MAP1A: variants seen among roughly 807,000 people sequenced by gnomAD.
MAP1A encodes microtubule associated protein 1A, also known as microtubule-associated protein 1A.
In MAP1A, 42 loss-of-function variants were observed where a neutral mutation model predicts 185.9. The observed-to-expected ratio is 0.23, with a 90% CI of 0.18 to 0.29. The LOEUF (loss-of-function observed/expected upper bound fraction) is 0.29. Among genes scored for constraint, MAP1A ranks in the 10% least tolerant of loss-of-function variants. The pLI, the probability that MAP1A is intolerant of heterozygous loss-of-function variation, is 1.00. For synonymous variants in MAP1A, 1,229 were observed against 1,335.9 expected, an observed-to-expected ratio of 0.92 and a Z score of 1.74; for missense variants, 2,995 against 3,450.4, an observed-to-expected ratio of 0.87 and a Z score of 3.31.
rs368999472 is a variant in MAP1A at position 43,521,626 on chromosome 15, C to T, written c.153C>T (p.Ala51=). The T allele has an allele frequency of 1.2e-5, 19 of 1,613,976 alleles. No homozygotes were observed. The highest frequency in any genetic ancestry group is 4.0e-5 in the African/African-American group (3 of 74,914). Residue 51 remains alanine (A), a synonymous_variant, in exon 4 of 6, where the codon GCC becomes GCT. Coordinates refer to ENST00000300231, the MANE Select transcript of MAP1A (RefSeq NM_002373.6). The surrounding 1 kb of genome is among the most constrained non-coding windows in gnomAD (Gnocchi z 4.6). ...TCCCAGGTGGTCGTGGGGACTCTGCCCTCTTTGCTGTCAATGGTTTCAACA... is the reference window on the plus strand; with the variant it reads ...TCCCAGGTGGTCGTGGGGACTCTGCTCTCTTTGCTGTCAATGGTTTCAACA... The part of the protein sequence containing the change: ...YIFPGGRGDS[A]LFAVNGFNIL...
exon 1 of MAP1A, chr15:43,511,093 G>T: frequency 1.3e-6 from 2 of 1,550,232 alleles, no homozygotes; most frequent in Non-Finnish European, 1.7e-6. Flanking sequence ...AGAACCCCGC[G>T]GAGCTGCTGT....
At chr15:43,520,916 C>T (rs2079316675) in intron 2 of MAP1A, 56 bp from the exon 3 acceptor site, 4 of 1,502,852 alleles carry the variant, frequency 2.7e-6, no homozygotes, top group Non-Finnish European at 2.7e-6. Flanking sequence ...AGGGGCCATT[C>T]ATTGCCTTTC....
Position 43,521,856 on chromosome 15 carries a change from T to C in MAP1A, c.383T>C (p.Ile128Thr). ...SSYSDWVKNLISPELGVVFFN... is the reference protein window; with the variant it reads ...SSYSDWVKNLTSPELGVVFFN... ...TACAGCGACTGGGTGAAGAACCTTA[T>C]CTCTCCTGAGCTTGGAGTTGTCTTT... Residue 128 changes from isoleucine (I) to threonine (T), a missense_variant, in exon 4 of 6, where the codon ATC (isoleucine) becomes ACC (threonine). Physicochemically the swap from Ile to Thr is moderately conservative, Grantham distance 89. Transcript: ENST00000300231. The surrounding 1 kb of genome is among the most constrained non-coding windows in gnomAD (Gnocchi z 4.6). 6.2e-7 allele frequency: 1 copy of C among 1,614,192 alleles called. No individual in the cohort carries two copies.
Position 43,517,695 on chromosome 15 carries a change from C to A in MAP1A, c.-380C>A. The A allele has an allele frequency of 1.0e-6, 1 of 983,330 alleles. No homozygotes were observed. Among genetic ancestry groups the A allele is most frequent in the Non-Finnish European group, 1.2e-6 (1 of 828,274 alleles). 60.9% of individuals were successfully genotyped at this position (983,330 alleles called of 1,614,324 possible). On this transcript the variant is annotated 5_prime_UTR_variant, in exon 1 of 6. Transcript: ENST00000300231. ...CTCCATGAGAGGCTTCCTCCTACAC[C>A]CCAGGGTAAGAACCGAACCAAAGGG...
In MAP1A at chr15:43,530,285, G is replaced by A; in HGVS notation, c.*61G>A. 1.3e-6 allele frequency: 2 copies of A among 1,594,664 alleles called. No homozygotes were observed. The highest frequency in any genetic ancestry group is 3.4e-5 in the Admixed American group (2 of 58,802). On this transcript the variant is annotated 3_prime_UTR_variant, in exon 6 of 6. Coordinates refer to ENST00000300231, the MANE Select transcript of MAP1A (RefSeq NM_002373.6). ...CCAGCTCCTTTAGAGAATGGCTACT[G>A]CTGAGTCCTTTGGGGTTGAGGGAGA...
rs560477880 is a variant in MAP1A, at chr15:43,520,688, C to T, written c.-327C>T. On this transcript the variant is annotated 5_prime_UTR_variant, in exon 2 of 6. Transcript: ENST00000300231. Reference sequence around the variant, plus strand: ...GAGTGAGATCCTAGAGACCATCATCCTGGTAAATCCCAGTGCAGACAGCAT... The same window carrying T: ...GAGTGAGATCCTAGAGACCATCATCTTGGTAAATCCCAGTGCAGACAGCAT... The T allele has an allele frequency of 6.4e-7, 1 of 1,550,616 alleles. No homozygotes were observed. Among genetic ancestry groups the T allele is most frequent in the East Asian group, 2.4e-5 (1 of 40,920 alleles).
chr15:43,526,462 A>G lies in MAP1A; in HGVS notation c.4989A>G (p.Glu1663=). 6.2e-7 allele frequency: 1 copy of G among 1,614,106 alleles called. No homozygotes were observed. Among genetic ancestry groups the G allele is most frequent in the South Asian group, 1.1e-5 (1 of 91,078 alleles). ...TSPTREEPAG[E]QKELAPAWED... is the part of the protein sequence containing the mutation. ...CTACCAGAGAGGAGCCGGCTGGAGA[A>G]CAGAAAGAGCTTGCCCCGGCATGGG... Residue 1663 remains glutamate (E), a synonymous_variant, in exon 4 of 6, where the codon GAA becomes GAG. Transcript: ENST00000300231. The surrounding 1 kb of genome is among the most constrained non-coding windows in gnomAD (Gnocchi z 4.7).
intron 1 of MAP1A, among the ~76,000 whole-genome samples, chr15:43,518,807 C>T (rs2079308935): frequency 6.6e-6 from 1 of 150,780 alleles, no homozygotes; most frequent in Non-Finnish European, 1.5e-5. Flanking sequence ...CAGTTCCCTT[C>T]AGTGAGAGAG....
Position 43,525,873 on chromosome 15 carries a change from A to C in MAP1A, c.4400A>C (p.Lys1467Thr), listed in dbSNP as rs202060676. The change falls in exon 4 of 6, where the codon AAG (lysine) becomes ACG (threonine). Residue 1467 changes from lysine (K) to threonine (T), a missense_variant. By Grantham distance (78) the Lys-to-Thr change is moderately conservative. This residue lies in a region of MAP1A where 2,728 missense variants were observed against 2,986.0 expected (regional missense o/e 0.91). Transcript: ENST00000300231. ...LEQKDTALEQ[K>T]DKALEPKDKD... is the part of the protein sequence containing the mutation. The stretch of plus-strand genomic sequence containing the variant: ...CAAAAGGATACAGCCCTGGAACAGA[A>C]GGACAAGGCCCTGGAACCAAAAGAT... 6 of 1,609,830 alleles carry C rather than the reference A, an allele frequency of 3.7e-6. 1 individual carries two copies. Among genetic ancestry groups the C allele is most frequent in the Non-Finnish European group, 4.2e-6 (5 of 1,177,508 alleles).
chr15:43,519,782 GTTTC>G (rs1376400037), intron 1 of MAP1A, among the ~76,000 whole-genome samples: 1 of 152,206 alleles, frequency 6.6e-6, no homozygotes, highest in Admixed American at 6.5e-5. Context: ...TTATTAATGT[GTTTC>G]TTGTTCAAGA....
Position 43,529,546 on chromosome 15 carries a change from A to G in MAP1A, c.8035+38A>G. On this transcript the variant is annotated intron_variant, in intron 4 of 5. Transcript: ENST00000300231. This position sits in a 1 kb window ranked among gnomAD's most constrained non-coding sequence, Gnocchi z 4.3. ...TGAAACTTGGCAGAGAGTGTGGGTT[A>G]GGGCTGGGTGTGGGCTGGTCAGACT... 2 of 1,602,322 alleles carry G rather than the reference A, an allele frequency of 1.2e-6. No homozygotes were observed. Among genetic ancestry groups the G allele is most frequent in the Non-Finnish European group, 8.5e-7 (1 of 1,172,270 alleles).
At chr15:43,518,614 G>A (rs900669244) in intron 1 of MAP1A, among the ~76,000 whole-genome samples, 7 of 151,878 alleles carry the variant, frequency 4.6e-5, no homozygotes, top group Middle Eastern at 3.2e-3. Flanking sequence ...CACACACTGC[G>A]GCAAACTGCA....
upstream of MAP1A, among the ~76,000 whole-genome samples, chr15:43,513,041 G>GA (rs1566975426): frequency 6.6e-6 from 1 of 152,094 alleles, no homozygotes; most frequent in Non-Finnish European, 1.5e-5. Flanking sequence ...TATTATAAAA[G>GA]AACTAAGGCC....
chr15:43,528,375 G>A lies in MAP1A; in HGVS notation c.6902G>A (p.Trp2301Ter), dbSNP rs2079355516. 1 of 1,613,920 alleles carries A rather than the reference G, an allele frequency of 6.2e-7. No individual in the cohort carries two copies. Among genetic ancestry groups the A allele is most frequent in the Admixed American group, 1.7e-5 (1 of 60,020 alleles). Residue 2301 changes from tryptophan (W) to a stop codon, truncating the protein, a stop_gained, in exon 4 of 6, where the codon TGG becomes TAG. Transcript: ENST00000300231. LOFTEE classifies it high-confidence loss of function. ...PGMEPAAHSL[W>*]DLTPLSPAPP... is the part of the protein sequence containing the mutation. Reference sequence around the variant, plus strand: ...ATGGAACCAGCTGCCCACAGCCTCTGGGACCTCACTCCTCTGAGCCCAGCA... The same window carrying A: ...ATGGAACCAGCTGCCCACAGCCTCTAGGACCTCACTCCTCTGAGCCCAGCA...
At chr15:43,511,111 C>G in exon 1 of MAP1A, 1 of 1,550,356 alleles carries the variant, frequency 6.5e-7, no homozygotes, top group Non-Finnish European at 8.7e-7. Flanking sequence ...TGTGCGAGGC[C>G]GGAGCCGCGG....
chr15:43,522,338 C>A lies in MAP1A; in HGVS notation c.865C>A (p.Leu289Met). The change falls in exon 4 of 6, where the codon CTG (leucine) becomes ATG (methionine). Residue 289 changes from leucine (L) to methionine (M), a missense_variant. This residue lies in a region of MAP1A where 264 missense variants were observed against 435.3 expected (regional missense o/e 0.61). Coordinates refer to ENST00000300231, the MANE Select transcript of MAP1A (RefSeq NM_002373.6). The surrounding 1 kb of genome is among the most constrained non-coding windows in gnomAD (Gnocchi z 5.9). ...AGAAAAGCTTCGGCATCTGGACTTCCTGCGTTACCCTGTGGCCACGCAGAA... is the reference window on the plus strand; with the variant it reads ...AGAAAAGCTTCGGCATCTGGACTTCATGCGTTACCCTGTGGCCACGCAGAA... The part of the protein sequence containing the change: ...GLEKLRHLDF[L>M]RYPVATQKDL... 6.2e-7 allele frequency: 1 copy of A among 1,614,140 alleles called. No homozygotes were observed. Among genetic ancestry groups the A allele is most frequent in the Non-Finnish European group, 8.5e-7 (1 of 1,180,000 alleles).
In MAP1A at chr15:43,524,239, G is replaced by A. The variant is rs376904663; in HGVS notation, c.2766G>A (p.Glu922=). The A allele has an allele frequency of 2.5e-6, 4 of 1,614,110 alleles. No homozygotes were observed. In the African/African-American group the frequency reaches 4.0e-5, roughly 16 times the overall value. ...ACTTCTCTGTGACTGGGGAGTCAGA[G>A]AAGAGAGGAGAGATCATAGGGAAAG... ...CEDFSVTGES[E]KRGEIIGKGL... The change falls in exon 4 of 6, where the codon GAG becomes GAA. Residue 922 remains glutamate, a synonymous_variant. Transcript: ENST00000300231.
rs369641565 is a variant in MAP1A at position 43,529,437 on chromosome 15, C to A, written c.7964C>A (p.Thr2655Asn). The change falls in exon 4 of 6, where the codon ACC (threonine) becomes AAC (asparagine). Residue 2655 changes from threonine to asparagine, a missense_variant. Physicochemically the swap from Thr to Asn is moderately conservative, Grantham distance 65. This residue lies in a region of MAP1A where 2,728 missense variants were observed against 2,986.0 expected (regional missense o/e 0.91). Transcript: ENST00000300231. This position sits in a 1 kb window ranked among gnomAD's most constrained non-coding sequence, Gnocchi z 4.3. ...PRPRSTTSQV[T>N]PAEEKDGHSP... Reference sequence around the variant, plus strand: ...CCACGCAGCACCACAAGCCAGGTCACCCCAGCAGAGGAAAAGGATGGACAC... The same window carrying A: ...CCACGCAGCACCACAAGCCAGGTCAACCCAGCAGAGGAAAAGGATGGACAC... 3.3e-5 allele frequency: 54 copies of A among 1,613,788 alleles called. No homozygotes were observed. The South Asian group carries it at 3.5e-4, about 11-fold the overall frequency.
exon 1 of MAP1A, chr15:43,511,021 C>G: frequency 1.3e-6 from 2 of 1,547,494 alleles, no homozygotes; most frequent in Admixed American, 2.0e-5. Flanking sequence ...CGCGGCCTCA[C>G]GGCGTTGCCA....
Sources: allele counts gnomAD v4.1 joint callset (sites outside exome capture counted in the v4.1 genomes callset), GRCh38; gene constraint gnomAD v4.1.1; regional missense constraint gnomAD v4.1.1; non-coding constraint Gnocchi (gnomAD v3.1); transcripts MANE v1.5; gene names NCBI Gene and HGNC (gene_info 2026-07-23, HGNC 2026-07-21).